PTPRN2: variants seen among roughly 807,000 people sequenced by gnomAD.
PTPRN2 encodes receptor-type tyrosine-protein phosphatase N2.
Under a neutral mutation model 118.8 loss-of-function variants are expected in PTPRN2, and 74 were observed. That is an observed-to-expected ratio of 0.62 (90% CI 0.52 to 0.76). The LOEUF is 0.76. Ranked by LOEUF, PTPRN2 falls within the 30% of genes least tolerant of loss-of-function variation. The pLI is 0.00. For synonymous variants in PTPRN2, 641 were observed against 608.0 expected (o/e 1.05, Z -0.80); for missense variants, 1,481 against 1,394.4 (o/e 1.06, Z -0.99).
chr7:157,646,653 G>A (rs759493851), intron 14 of PTPRN2, among the ~76,000 whole-genome samples: 8 of 152,122 alleles, frequency 5.3e-5, no homozygotes, highest in Non-Finnish European at 8.8e-5. Flanking sequence ...CACTGGTACC[G>A]GGCCCTGTGA....
intron 12 of PTPRN2, among the ~76,000 whole-genome samples, chr7:157,759,622 G>A (rs764614322): frequency 4.6e-5 from 7 of 152,210 alleles, no homozygotes; most frequent in African/African-American, 9.6e-5. Context: ...CTCACTGTCC[G>A]GGGCGGCCTG....
intron 14 of PTPRN2, among the ~76,000 whole-genome samples, chr7:157,638,314 A>G (rs1395849675): frequency 2.0e-5 from 3 of 152,012 alleles, no homozygotes; most frequent in Admixed American, 1.3e-4. Flanking sequence ...GGGTCAGTCT[A>G]TGTGCGAGAC....
At chr7:158,302,199 T>C (rs1276426499) in intron 3 of PTPRN2, among the ~76,000 whole-genome samples, 1 of 152,212 alleles carries the variant, frequency 6.6e-6, no homozygotes, top group East Asian at 1.9e-4. Context: ...CTGGGGACTC[T>C]GCATCCTCTC....
chr7:157,888,195 C>T (rs1048091675), intron 12 of PTPRN2, among the ~76,000 whole-genome samples: 3 of 152,012 alleles, frequency 2.0e-5, no homozygotes, highest in African/African-American at 7.3e-5. Flanking sequence ...AGGGACAAGC[C>T]GTAGCATGAG....
chr7:158,085,537 C>T, intron 10 of PTPRN2, among the ~76,000 whole-genome samples: 1 of 136,656 alleles, frequency 7.3e-6, no homozygotes, highest in Admixed American at 7.3e-5. Flanking sequence ...CCATCCACAC[C>T]CATGACGCCC....
At chr7:157,644,803 A>AAAC (rs201787021) in intron 14 of PTPRN2, among the ~76,000 whole-genome samples, 12,237 of 92,000 alleles carry the variant, frequency 0.13, 684 homozygotes, top group Non-Finnish European at 0.21. Flanking sequence ...CTCAAAAAAC[A>AAAC]AAAAAAAAAA....
chr7:158,116,607 C>T (rs1422080896), intron 9 of PTPRN2, among the ~76,000 whole-genome samples: 1 of 152,224 alleles, frequency 6.6e-6, no homozygotes, highest in Non-Finnish European at 1.5e-5. Flanking sequence ...CTGCTGATTG[C>T]TGCTTCTCAT....
intron 12 of PTPRN2, among the ~76,000 whole-genome samples, chr7:157,737,778 C>A (rs1051892082): frequency 6.6e-6 from 1 of 152,262 alleles, no homozygotes; most frequent in African/African-American, 2.4e-5. Context: ...ACCAAGGCCA[C>A]AAGGCCGGCT....
At chr7:157,758,584 G>A (rs911490848) in intron 12 of PTPRN2, among the ~76,000 whole-genome samples, 9 of 152,226 alleles carry the variant, frequency 5.9e-5, no homozygotes, top group Non-Finnish European at 7.3e-5. Flanking sequence ...GGCTGCGTGC[G>A]CGGGGCATCC....
intron 6 of PTPRN2, among the ~76,000 whole-genome samples, chr7:158,144,645 G>A (rs1487840581): frequency 2.0e-5 from 3 of 152,138 alleles, no homozygotes; most frequent in African/African-American, 4.8e-5. Flanking sequence ...GGAAGGGGAA[G>A]GGGAAGGAGA....
At chr7:158,060,318 G>T (rs1316867204) in intron 11 of PTPRN2, among the ~76,000 whole-genome samples, 2 of 141,498 alleles carry the variant, frequency 1.4e-5, no homozygotes, top group Non-Finnish European at 3.0e-5. Context: ...TCTGCACACG[G>T]TGACACATCA....
At chr7:157,601,947 C>T (rs929704726) in intron 16 of PTPRN2, among the ~76,000 whole-genome samples, 8 of 152,234 alleles carry the variant, frequency 5.3e-5, no homozygotes, top group Admixed American at 2.6e-4. Context: ...CAGGCGCGCA[C>T]ACCTGGCTTT....
rs1392275543 is a variant in PTPRN2, at chr7:157,583,538, C to T, written c.2497-5398G>A. On this transcript the variant is annotated intron_variant, in intron 17 of 22. Coordinates refer to ENST00000389418, the MANE Select transcript of PTPRN2 (RefSeq NM_002847.5). The surrounding 1 kb of genome is among the most constrained non-coding windows in gnomAD (Gnocchi z 5.5). ...TTAGCTTGACTGTGGTCATCATTCA[C>T]GATGTCTGCGTGTGTCAGAACATCA... Among the ~76,000 whole-genome samples, 3 of 152,136 alleles carry T rather than the reference C, an allele frequency of 2.0e-5. No homozygotes were observed. The highest frequency in any genetic ancestry group is 1.3e-4 in the Admixed American group (2 of 15,270).
At chr7:158,432,052 C>A (rs1281234078) in intron 2 of PTPRN2, among the ~76,000 whole-genome samples, 1 of 152,242 alleles carries the variant, frequency 6.6e-6, no homozygotes, top group East Asian at 1.9e-4. Flanking sequence ...GGTCACATGA[C>A]CCCTCCTGAG....
At chr7:157,652,767 T>C (rs1805755705) in intron 14 of PTPRN2, among the ~76,000 whole-genome samples, 1 of 152,222 alleles carries the variant, frequency 6.6e-6, no homozygotes, top group East Asian at 1.9e-4. Context: ...ACCTGCCGCC[T>C]CCTGTCTCCC....
At chr7:158,327,023 A>G (rs1370210824) in intron 2 of PTPRN2, among the ~76,000 whole-genome samples, 1 of 151,604 alleles carries the variant, frequency 6.6e-6, no homozygotes, top group Non-Finnish European at 1.5e-5. Flanking sequence ...TCACATATAT[A>G]CACATTCTCA....
At chr7:157,669,982 A>G (rs1284075255) in intron 13 of PTPRN2, among the ~76,000 whole-genome samples, 1 of 152,160 alleles carries the variant, frequency 6.6e-6, no homozygotes, top group East Asian at 1.9e-4. Context: ...CGTGGTGCAG[A>G]GGGGCCCTCG....
intron 13 of PTPRN2, among the ~76,000 whole-genome samples, chr7:157,660,272 T>TA (rs1480301419): frequency 1.3e-5 from 2 of 151,964 alleles, no homozygotes; most frequent in Non-Finnish European, 2.9e-5. Flanking sequence ...CACATAAAAA[T>TA]AAAAAATCAA....
intron 12 of PTPRN2, among the ~76,000 whole-genome samples, chr7:157,761,428 C>A (rs1431442683): frequency 1.3e-5 from 2 of 150,866 alleles, no homozygotes; most frequent in African/African-American, 2.4e-5. Flanking sequence ...CAGAACAGAG[C>A]CCTCAGAAAT....
Sources: allele counts gnomAD v4.1 joint callset (sites outside exome capture counted in the v4.1 genomes callset), GRCh38; gene constraint gnomAD v4.1.1; non-coding constraint Gnocchi (gnomAD v3.1); transcripts MANE v1.5; gene names NCBI Gene and HGNC (gene_info 2026-07-23, HGNC 2026-07-21).